Variants in TNR observed in about 807,000 individuals in gnomAD.
The protein encoded by TNR is tenascin-R.
TNR carries 45 observed loss-of-function variants against 150.4 expected under a neutral mutation model. The ratio of observed to expected loss-of-function variants is 0.30; its 90% CI spans 0.24 to 0.38. TNR has a LOEUF of 0.38. Among genes scored for constraint, TNR ranks in the 10% least tolerant of loss-of-function variants. The pLI, the probability that TNR is intolerant of heterozygous loss-of-function variation, is 1.00. For missense variants in TNR, 1,544 were observed against 1,759.1 expected (o/e 0.88, Z 2.19); for synonymous variants, 687 against 678.4 (o/e 1.01, Z -0.20).
intron 12 of TNR, 79 bp downstream of exon 12, chr1:175,364,931 C>A (rs1651761979): frequency 6.7e-7 from 1 of 1,503,366 alleles, no homozygotes; most frequent in Non-Finnish European, 8.9e-7. Context: ...GGGTCTTTCT[C>A]TTTTAAAATT....
At chr1:175,514,724 C>G (rs1193155872) in intron 2 of TNR, among the ~76,000 whole-genome samples, 12 of 152,202 alleles carry the variant, frequency 7.9e-5, no homozygotes, top group Non-Finnish European at 2.9e-5. Context: ...GTTAAGTGAG[C>G]ATGACGAGCA....
At chr1:175,607,595 C>T (rs1350239160) in intron 1 of TNR, among the ~76,000 whole-genome samples, 1 of 152,190 alleles carries the variant, frequency 6.6e-6, no homozygotes, top group East Asian at 1.9e-4. Flanking sequence ...GGACATACTC[C>T]TCATCTGATG....
chr1:175,575,427 C>T (rs879791376), intron 1 of TNR, among the ~76,000 whole-genome samples: 10 of 152,164 alleles, frequency 6.6e-5, no homozygotes, highest in Non-Finnish European at 1.0e-4. Flanking sequence ...TGCTAGGCAC[C>T]GTGGTTGGAT....
At chr1:175,425,693 G>A (rs1397668881) in intron 2 of TNR, among the ~76,000 whole-genome samples, 5 of 152,146 alleles carry the variant, frequency 3.3e-5, no homozygotes, top group East Asian at 1.9e-4. Flanking sequence ...GCACCCTTTC[G>A]CTCCACACAT....
At chr1:175,529,427 C>G (rs1164452685) in intron 1 of TNR, among the ~76,000 whole-genome samples, 1 of 152,180 alleles carries the variant, frequency 6.6e-6, no homozygotes, top group Non-Finnish European at 1.5e-5. Context: ...GAAGGGCAAA[C>G]ATTTTCCATC....
At chr1:175,354,917 T>C (rs1458707848) in intron 17 of TNR, among the ~76,000 whole-genome samples, 1 of 152,222 alleles carries the variant, frequency 6.6e-6, no homozygotes, top group Admixed American at 6.5e-5. Flanking sequence ...ATGATTTCCC[T>C]TTAAAAAGAG....
intron 1 of TNR, among the ~76,000 whole-genome samples, chr1:175,641,017 T>C (rs1571704221): frequency 6.6e-6 from 1 of 152,274 alleles, no homozygotes; most frequent in African/African-American, 2.4e-5. Flanking sequence ...ATACATACTC[T>C]CACTTTAGTC....
At position 175,379,623 on chromosome 1, in the gene TNR, A is replaced by G. The variant is rs1276030139; in HGVS notation, c.1892T>C (p.Leu631Pro). 6.2e-7 allele frequency: 1 copy of G among 1,614,194 alleles called. No individual in the cohort carries two copies. The highest frequency in any genetic ancestry group is 1.1e-5 in the South Asian group (1 of 91,080). ...TACCTCATGATATTGCTCACCCGCC[A>G]GGGTGCTGTACACAACCTTGTACTC... The part of the protein sequence containing the change: ...VQEYKVVYST[L>P]AGEQYHEVLV... The change falls in exon 9 of 23, where the codon CTG becomes CCG. Residue 631 changes from leucine (L) to proline (P), a missense_variant. Physicochemically the swap from Leu to Pro is moderately conservative, Grantham distance 98. Coordinates refer to ENST00000367674, the MANE Select transcript of TNR (RefSeq NM_003285.3).
chr1:175,326,920 C>T (rs1571289691), intron 21 of TNR, among the ~76,000 whole-genome samples: 2 of 151,530 alleles, frequency 1.3e-5, no homozygotes, highest in East Asian at 1.9e-4. Flanking sequence ...CCCGCCTCGG[C>T]CTCCCAAAGT....
chr1:175,512,342 T>C (rs1468005489), intron 2 of TNR, among the ~76,000 whole-genome samples: 1 of 152,242 alleles, frequency 6.6e-6, no homozygotes, highest in Non-Finnish European at 1.5e-5. Flanking sequence ...ATTTTAAAAA[T>C]CTTTATCAGA....
chr1:175,632,548 T>C (rs1664357463), intron 1 of TNR, among the ~76,000 whole-genome samples: 1 of 152,226 alleles, frequency 6.6e-6, no homozygotes, highest in African/African-American at 2.4e-5. Context: ...AATTAAGGAT[T>C]GACTTTTGGT....
chr1:175,423,189 T>C (rs1282673343), intron 2 of TNR, among the ~76,000 whole-genome samples: 1 of 152,236 alleles, frequency 6.6e-6, no homozygotes, highest in Non-Finnish European at 1.5e-5. Flanking sequence ...GTATCAGTAT[T>C]GTTAATACAT....
intron 8 of TNR, among the ~76,000 whole-genome samples, chr1:175,380,443 C>A (rs541680191): frequency 1.3e-5 from 2 of 152,008 alleles, no homozygotes; most frequent in African/African-American, 4.8e-5. Flanking sequence ...AGGTGCCCAG[C>A]GCCTGTAGTC....
chr1:175,712,708 C>T (rs769836140), intron 1 of TNR, among the ~76,000 whole-genome samples: 29 of 152,124 alleles, frequency 1.9e-4, no homozygotes, highest in Admixed American at 4.6e-4. Flanking sequence ...CACCCTCTCT[C>T]TCTTGCTTCT....
intron 1 of TNR, among the ~76,000 whole-genome samples, chr1:175,594,857 T>TAAAAA (rs1174868287): frequency 2.4e-4 from 25 of 103,022 alleles, no homozygotes; most frequent in African/African-American, 8.5e-4. Flanking sequence ...ACCTTGTTTC[T>TAAAAA]AAAAAAAAAA....
At chr1:175,659,362 A>G (rs553497786) in intron 1 of TNR, among the ~76,000 whole-genome samples, 72 of 152,348 alleles carry the variant, frequency 4.7e-4, no homozygotes, top group African/African-American at 1.7e-3. Flanking sequence ...AAGGATGAAC[A>G]TATCCCTGGA....
intron 1 of TNR, among the ~76,000 whole-genome samples, chr1:175,733,305 T>C (rs914949653): frequency 8.5e-5 from 13 of 152,096 alleles, no homozygotes; most frequent in Non-Finnish European, 1.5e-4. Context: ...CCCCCTCCCA[T>C]AAGAAATAGC....
intron 9 of TNR, among the ~76,000 whole-genome samples, chr1:175,369,966 G>A (rs776294136): frequency 1.5e-4 from 23 of 152,150 alleles, no homozygotes; most frequent in Admixed American, 5.2e-4. Flanking sequence ...CAGTCCCGAA[G>A]CCCTGTCTGG....
chr1:175,630,820 A>AC (rs1664301731), intron 1 of TNR, among the ~76,000 whole-genome samples: 1 of 151,960 alleles, frequency 6.6e-6, no homozygotes, highest in African/African-American at 2.4e-5. Flanking sequence ...GCTTGCAAAA[A>AC]AAAAGGAAGC....
Sources: gnomAD v4.1 joint callset for allele counts (sites outside exome capture counted in the v4.1 genomes callset) on GRCh38, gnomAD v4.1.1 for gene constraint, MANE v1.5 for transcripts, NCBI Gene and HGNC (gene_info 2026-07-23, HGNC 2026-07-21) for gene names.